AUTS2: variants seen among roughly 807,000 people sequenced by gnomAD.
AUTS2 encodes the protein autism susceptibility gene 2 protein.
Under a neutral mutation model 112.4 loss-of-function variants are expected in AUTS2, and 17 were observed. The observed-to-expected ratio is 0.15, with a 90% CI of 0.10 to 0.23. The LOEUF (loss-of-function observed/expected upper bound fraction) is 0.23, where lower values mean the gene tolerates loss of function less well. Ranked by LOEUF, AUTS2 falls within the 10% of genes least tolerant of loss-of-function variation. The pLI is 1.00. For missense variants in AUTS2, 1,510 were observed against 1,701.6 expected (o/e 0.89, Z 1.98); for synonymous variants, 751 against 702.7 (o/e 1.07, Z -1.09).
intron 1 of AUTS2, among the ~76,000 whole-genome samples, chr7:69,768,299 C>T (rs779293430): frequency 2.0e-4 from 31 of 152,200 alleles, no homozygotes; most frequent in Non-Finnish European, 3.8e-4. Context: ...ATACTTAGCA[C>T]TTACCATGTG....
intron 1 of AUTS2, among the ~76,000 whole-genome samples, chr7:69,784,103 C>T (rs1389453359): frequency 6.6e-6 from 1 of 152,140 alleles, no homozygotes; most frequent in African/African-American, 2.4e-5. Flanking sequence ...TGACACCGAA[C>T]GTTGTCTACA....
chr7:70,476,495 T>A (rs1797588278), intron 5 of AUTS2, among the ~76,000 whole-genome samples: 1 of 152,088 alleles, frequency 6.6e-6, no homozygotes, highest in African/African-American at 2.4e-5. Flanking sequence ...GAGAAAGGAG[T>A]TGTCCAAAGA....
At chr7:70,597,596 G>T (rs564489094) in intron 5 of AUTS2, among the ~76,000 whole-genome samples, 1 of 152,198 alleles carries the variant, frequency 6.6e-6, no homozygotes, top group African/African-American at 2.4e-5. Flanking sequence ...CTCTTTGGTG[G>T]TGTATTGTTT....
At chr7:69,892,366 A>C (rs1024088167) in intron 1 of AUTS2, among the ~76,000 whole-genome samples, 1 of 147,788 alleles carries the variant, frequency 6.8e-6, no homozygotes, top group Non-Finnish European at 1.5e-5. Flanking sequence ...CTGGTCTCGA[A>C]CTCCCGACCT....
intron 4 of AUTS2, among the ~76,000 whole-genome samples, chr7:70,246,179 G>A (rs1419314797): frequency 6.6e-6 from 1 of 152,054 alleles, no homozygotes; most frequent in Non-Finnish European, 1.5e-5. Flanking sequence ...ATGGTGTCTT[G>A]TGATAAAAAG....
chr7:70,710,728 T>A (rs1046368676), intron 6 of AUTS2, among the ~76,000 whole-genome samples: 3 of 152,234 alleles, frequency 2.0e-5, no homozygotes, highest in African/African-American at 7.2e-5. Flanking sequence ...ATTCCACTTG[T>A]CTGGACTGTG....
chr7:70,147,805 AG>A (rs1269358345), intron 4 of AUTS2, among the ~76,000 whole-genome samples: 1 of 152,134 alleles, frequency 6.6e-6, no homozygotes, highest in East Asian at 1.9e-4. Flanking sequence ...AATCACGGAA[AG>A]GATCACTGAA....
chr7:69,965,403 A>G (rs1445367592), intron 2 of AUTS2, among the ~76,000 whole-genome samples: 2 of 152,150 alleles, frequency 1.3e-5, no homozygotes, highest in African/African-American at 4.8e-5. Context: ...TGATTGATGC[A>G]GATTGGGTGC....
chr7:70,110,933 G>A (rs1028853366), intron 2 of AUTS2, among the ~76,000 whole-genome samples: 21 of 143,522 alleles, frequency 1.5e-4, no homozygotes, highest in Admixed American at 1.1e-3. Flanking sequence ...GCGCAGTGGC[G>A]CGATCTCAGC....
chr7:69,765,587 G>A (rs1370766534), intron 1 of AUTS2, among the ~76,000 whole-genome samples: 1 of 152,108 alleles, frequency 6.6e-6, no homozygotes, highest in African/African-American at 2.4e-5. Context: ...AAAATGTTGG[G>A]ATCACAGGCG....
At chr7:70,252,690 G>GT (rs1408230105) in intron 4 of AUTS2, among the ~76,000 whole-genome samples, 8 of 151,896 alleles carry the variant, frequency 5.3e-5, no homozygotes, top group African/African-American at 1.5e-4. Context: ...GTTTTCCTAT[G>GT]TTTTTTTCCA....
At chr7:69,874,902 C>G (rs1173901851) in intron 1 of AUTS2, among the ~76,000 whole-genome samples, 2 of 151,218 alleles carry the variant, frequency 1.3e-5, no homozygotes, top group Non-Finnish European at 2.9e-5. Flanking sequence ...AACTCTTGAC[C>G]TCAGGTGTGA....
intron 4 of AUTS2, among the ~76,000 whole-genome samples, chr7:70,357,585 T>A (rs1372493580): frequency 6.6e-6 from 1 of 152,206 alleles, no homozygotes; most frequent in African/African-American, 2.4e-5. Context: ...GTACACACTC[T>A]TGACCCCTCC....
intron 2 of AUTS2, among the ~76,000 whole-genome samples, chr7:69,982,530 G>C (rs1798339298): frequency 6.6e-6 from 1 of 152,186 alleles, no homozygotes; most frequent in South Asian, 2.1e-4. Context: ...GTATGTGTGA[G>C]TCTTAGAGAA....
At chr7:70,277,210 A>G (rs904874560) in intron 4 of AUTS2, among the ~76,000 whole-genome samples, 1 of 152,180 alleles carries the variant, frequency 6.6e-6, no homozygotes, top group African/African-American at 2.4e-5. Flanking sequence ...TAGAGGTATT[A>G]ATTGAAGCCT....
At chr7:70,621,345 T>C (rs1441443561) in intron 5 of AUTS2, among the ~76,000 whole-genome samples, 1 of 152,218 alleles carries the variant, frequency 6.6e-6, no homozygotes, top group Non-Finnish European at 1.5e-5. Context: ...TTTTCTCCCA[T>C]GTCCTAGTCA....
At chr7:70,553,756 C>CTTTTTTTTTTTTTTTTTTTT (rs1554428285) in intron 5 of AUTS2, among the ~76,000 whole-genome samples, 1 of 98,128 alleles carries the variant, frequency 1.0e-5, no homozygotes, top group Non-Finnish European at 2.1e-5. Context: ...AGAGGCCTTT[C>CTTTTTTTTTTTTTTTTTTTT]TTTCTTTTTT....
At chr7:70,626,282 G>A (rs1351036918) in intron 5 of AUTS2, among the ~76,000 whole-genome samples, 2 of 148,528 alleles carry the variant, frequency 1.3e-5, no homozygotes, top group African/African-American at 2.5e-5. Context: ...CCAGCAACTC[G>A]GGAGGCCAAG....
chr7:70,570,771 G>A (rs1354162316), intron 5 of AUTS2, among the ~76,000 whole-genome samples: 4 of 152,112 alleles, frequency 2.6e-5, no homozygotes. Flanking sequence ...TCTTCCTGTT[G>A]CATTCCCATC....
Sources: gnomAD v4.1 joint callset for allele counts (sites outside exome capture counted in the v4.1 genomes callset) on GRCh38, gnomAD v4.1.1 for gene constraint, MANE v1.5 for transcripts, NCBI Gene and HGNC (gene_info 2026-07-23, HGNC 2026-07-21) for gene names.